The following TMTC2 variants were observed in gnomAD, a reference collection of about 807,000 sequenced individuals.
TMTC2 encodes protein O-mannosyl-transferase TMTC2.
TMTC2 carries 43 observed loss-of-function variants against 82.4 expected under a neutral mutation model. The ratio of observed to expected loss-of-function variants is 0.52; its 90% CI spans 0.41 to 0.67. The LOEUF is 0.67. Among genes scored for constraint, TMTC2 ranks in the 30% least tolerant of loss-of-function variants. TMTC2 has a pLI of 0.00. For missense variants in TMTC2, 919 were observed against 1,012.4 expected (o/e 0.91, Z 1.25); for synonymous variants, 408 against 381.9 (o/e 1.07, Z -0.80).
At chr12:83,071,947 C>G (rs1336525348) in intron 11 of TMTC2, among the ~76,000 whole-genome samples, 1 of 152,114 alleles carries the variant, frequency 6.6e-6, no homozygotes, top group Admixed American at 6.5e-5. Flanking sequence ...TTTATCTTTT[C>G]AAAGAACCAG....
chr12:83,110,056 T>C lies in TMTC2; in HGVS notation c.2332-22154T>C, dbSNP rs1884548231. 2.0e-5 allele frequency among the ~76,000 whole-genome samples: 3 copies of C among 152,330 alleles called. No homozygotes were observed. The South Asian group carries it at 6.2e-4, about 32-fold the overall frequency. ...TCTAGTATATCTTCACCTGTCATTA[T>C]ACTCAGCTGACGACCTTGCTTTTCT... On this transcript the variant is annotated intron_variant, in intron 11 of 11. Transcript: ENST00000321196.
intron 3 of TMTC2, among the ~76,000 whole-genome samples, chr12:82,910,920 G>A (rs1394931991): frequency 2.7e-5 from 4 of 149,774 alleles, no homozygotes; most frequent in South Asian, 2.1e-4. Flanking sequence ...TCGCTCTGTC[G>A]CCCAGGCTGG....
At chr12:82,852,938 C>T (rs1871059118) in intron 1 of TMTC2, among the ~76,000 whole-genome samples, 1 of 152,090 alleles carries the variant, frequency 6.6e-6, no homozygotes, top group Admixed American at 6.5e-5. Flanking sequence ...AAATAAAATC[C>T]TACTTAAGCA....
intron 7 of TMTC2, among the ~76,000 whole-genome samples, chr12:82,976,806 G>A (rs11115505): frequency 2.0e-5 from 3 of 151,976 alleles, no homozygotes; most frequent in African/African-American, 7.2e-5. Flanking sequence ...TCTCAACACT[G>A]TGAAGTAAAA....
At position 82,819,691 on chromosome 12, in the gene TMTC2, C is replaced by T. The variant is rs186509233; in HGVS notation, c.84-37319C>T. 5.1e-3 allele frequency among the ~76,000 whole-genome samples: 770 copies of T among 151,616 alleles called. 4 individuals carry two copies. Among genetic ancestry groups the T allele is most frequent in the African/African-American group, 0.018 (735 of 41,326 alleles). On this transcript the variant is annotated intron_variant, in intron 1 of 11. Coordinates refer to ENST00000321196, the MANE Select transcript of TMTC2 (RefSeq NM_152588.3). ...TAATTTTCTGTATTTTTAGTAGAGA[C>T]GGGGTTTCACCATGTTGGCCAGGCT...
chr12:82,801,414 C>T (rs372551796), intron 1 of TMTC2, among the ~76,000 whole-genome samples: 7 of 152,014 alleles, frequency 4.6e-5, no homozygotes, highest in Admixed American at 6.5e-5. Flanking sequence ...AAGCTTCCAC[C>T]GTGTAGAAGG....
chr12:82,737,181 C>A (rs375978972), intron 1 of TMTC2, among the ~76,000 whole-genome samples: 1 of 152,084 alleles, frequency 6.6e-6, no homozygotes, highest in Admixed American at 6.6e-5. Flanking sequence ...ATTATAAAAT[C>A]GTGGTATTGT....
chr12:83,046,604 C>T (rs1882141499), intron 9 of TMTC2, among the ~76,000 whole-genome samples: 1 of 152,266 alleles, frequency 6.6e-6, no homozygotes, highest in East Asian at 1.9e-4. Context: ...TTGTAGTATA[C>T]CTGCACTACC....
intron 2 of TMTC2, among the ~76,000 whole-genome samples, chr12:82,887,365 T>C (rs1272390974): frequency 6.6e-6 from 1 of 152,220 alleles, no homozygotes; most frequent in Non-Finnish European, 1.5e-5. Flanking sequence ...ACTTCACTCT[T>C]ATTTTTATGT....
chr12:82,942,246 C>CA lies in TMTC2; in HGVS notation c.1598+11703dup, dbSNP rs1294896112. ...AGGGATATTTCAGCAAAATACACTT[C>CA]AATAGCTCCATTTGTTAATCAGAAA... On this transcript the variant is annotated intron_variant, in intron 4 of 11. Transcript: ENST00000321196. Among the ~76,000 whole-genome samples the CA allele has an allele frequency of 3.3e-5, 5 of 152,218 alleles. No individual in the cohort carries two copies. In the East Asian group the frequency reaches 9.7e-4, roughly 29 times the overall value.
intron 8 of TMTC2, among the ~76,000 whole-genome samples, chr12:82,995,416 A>T (rs1167811310): frequency 6.6e-6 from 1 of 152,042 alleles, no homozygotes; most frequent in Admixed American, 6.6e-5. Flanking sequence ...AGACTCATAA[A>T]TTGGTTCAAA....
rs11354326 is a variant in TMTC2 at position 82,792,268 on chromosome 12, A to AT, written c.84-64733dup. Among the ~76,000 whole-genome samples, 9 of 151,432 alleles carry AT rather than the reference A, an allele frequency of 5.9e-5. No homozygotes were observed. The East Asian group carries it at 9.7e-4, about 16-fold the overall frequency. ...CTATCAACTAGAGTTCAGTACTGTA[A>AT]TTTTTTTTTAGGTGAAATTCACATA... On this transcript the variant is annotated intron_variant, in intron 1 of 11. Coordinates refer to ENST00000321196, the MANE Select transcript of TMTC2 (RefSeq NM_152588.3).
At chr12:82,716,006 C>T (rs911000258) in intron 1 of TMTC2, among the ~76,000 whole-genome samples, 3 of 152,132 alleles carry the variant, frequency 2.0e-5, no homozygotes, top group African/African-American at 7.2e-5. Flanking sequence ...ATTAGATCAT[C>T]CAATGTTACG....
chr12:83,065,502 C>T (rs1004032610), intron 11 of TMTC2, among the ~76,000 whole-genome samples: 16 of 151,784 alleles, frequency 1.1e-4, no homozygotes, highest in African/African-American at 2.9e-4. Context: ...GATACCATTA[C>T]CATTTTAAAA....
At chr12:82,876,054 GTGGTGGTGGTGGTGA>G (rs1205258669) in intron 2 of TMTC2, among the ~76,000 whole-genome samples, 15 of 136,054 alleles carry the variant, frequency 1.1e-4, no homozygotes, top group East Asian at 8.4e-4. Flanking sequence ...GGTGGTGGTG[GTGGTGGTGGTGGTGA>G]TGATGATGAT....
At chr12:82,808,556 C>T (rs761451611) in intron 1 of TMTC2, among the ~76,000 whole-genome samples, 6 of 152,000 alleles carry the variant, frequency 3.9e-5, no homozygotes, top group African/African-American at 1.4e-4. Context: ...GAATTATAAA[C>T]CCTTACTCCT....
chr12:83,054,023 A>G (rs536183995), intron 10 of TMTC2, among the ~76,000 whole-genome samples: 1 of 152,066 alleles, frequency 6.6e-6, no homozygotes, highest in East Asian at 1.9e-4. Context: ...TTATTTGTCA[A>G]TGAATGTATG....
intron 8 of TMTC2, among the ~76,000 whole-genome samples, chr12:83,023,073 G>A (rs886607444): frequency 3.3e-5 from 5 of 152,296 alleles, no homozygotes; most frequent in Admixed American, 3.3e-4. Context: ...TGGCTAGTGT[G>A]TCTGTGATTT....
intron 1 of TMTC2, among the ~76,000 whole-genome samples, chr12:82,717,218 CTTTT>C (rs200275370): frequency 2.9e-5 from 4 of 139,096 alleles, no homozygotes; most frequent in Admixed American, 7.2e-5. Context: ...GCAAAAGGCA[CTTTT>C]TTTTTTTTTT....
Sources: gnomAD v4.1 joint callset for allele counts (sites outside exome capture counted in the v4.1 genomes callset) on GRCh38, gnomAD v4.1.1 for gene constraint, MANE v1.5 for transcripts, NCBI Gene and HGNC (gene_info 2026-07-23, HGNC 2026-07-21) for gene names.